FBLN2: variants seen among roughly 807,000 people sequenced by gnomAD.
FBLN2 encodes fibulin-2.
FBLN2 carries 81 observed loss-of-function variants against 123.7 expected under a neutral mutation model. The observed-to-expected ratio is 0.65, with a 90% CI of 0.55 to 0.79. The LOEUF is 0.79. FBLN2 is among the 30% of genes least tolerant of loss of function. FBLN2 has a pLI of 0.00. For missense variants in FBLN2, 1,603 were observed against 1,681.3 expected (o/e 0.95, Z 0.81); for synonymous variants, 699 against 701.4 (o/e 1.00, Z 0.05).
At chr3:13,560,806 GTC>G (rs1194925823) in intron 1 of FBLN2, among the ~76,000 whole-genome samples, 3 of 151,840 alleles carry the variant, frequency 2.0e-5, no homozygotes, top group Admixed American at 1.3e-4. Flanking sequence ...TCTTTAAAAA[GTC>G]TCTCTTTCTC....
chr3:13,628,193 G>A (rs892470499), intron 11 of FBLN2, among the ~76,000 whole-genome samples: 2 of 152,210 alleles, frequency 1.3e-5, no homozygotes, highest in Non-Finnish European at 2.9e-5. Context: ...GTGAAACCTT[G>A]GCTGAGTTAT....
chr3:13,573,412 CCCCTGAGTGA>C (rs1235600467), intron 2 of FBLN2, among the ~76,000 whole-genome samples: 2 of 152,066 alleles, frequency 1.3e-5, no homozygotes, highest in African/African-American at 2.4e-5. Flanking sequence ...GGAGTCAGAT[CCCCTGAGTGA>C]GGCTCACCAC....
intron 5 of FBLN2, among the ~76,000 whole-genome samples, chr3:13,615,741 A>G (rs1185075550): frequency 1.3e-5 from 2 of 152,206 alleles, no homozygotes; most frequent in African/African-American, 2.4e-5. Context: ...TGAGGCCCAG[A>G]GAAGGGCAGG....
At chr3:13,589,692 C>T (rs1015536248) in intron 2 of FBLN2, among the ~76,000 whole-genome samples, 1 of 152,198 alleles carries the variant, frequency 6.6e-6, no homozygotes, top group Non-Finnish European at 1.5e-5. Context: ...CATACCATGA[C>T]CCTATACTTC....
At chr3:13,613,317 G>C (rs1462335485) in intron 4 of FBLN2, among the ~76,000 whole-genome samples, 1 of 152,174 alleles carries the variant, frequency 6.6e-6, no homozygotes, top group Non-Finnish European at 1.5e-5. Flanking sequence ...AGTGAACACA[G>C]AAAAGATTGA....
At chr3:13,576,730 C>G (rs1574955133) in intron 2 of FBLN2, among the ~76,000 whole-genome samples, 1 of 151,890 alleles carries the variant, frequency 6.6e-6, no homozygotes, top group South Asian at 2.1e-4. Flanking sequence ...TCCCCCCCCC[C>G]CGGGTTCACT....
chr3:13,621,911 C>G lies in FBLN2; in HGVS notation c.2292C>G (p.Cys764Trp). 6.2e-7 allele frequency: 1 copy of G among 1,612,068 alleles called. No homozygotes were observed. The highest frequency in any genetic ancestry group is 8.5e-7 in the Non-Finnish European group (1 of 1,179,244). ...ATATCCTCAATGCGCACAGGAAGTG[C>G]GTGGGTAAGCCAGGGCCCCGCCTGC... ...DGYILNAHRKCVDINECVTDL... is the reference protein window; with the variant it reads ...DGYILNAHRKWVDINECVTDL... The change falls in exon 9 of 18, where the codon TGC becomes TGG. Residue 764 changes from cysteine to tryptophan, a missense_variant. Transcript: ENST00000404922.
intron 1 of FBLN2, among the ~76,000 whole-genome samples, chr3:13,560,432 C>T (rs986459050): frequency 1.3e-5 from 2 of 152,186 alleles, no homozygotes; most frequent in Non-Finnish European, 2.9e-5. Flanking sequence ...CTGTACTTCA[C>T]GTGTAGGGCT....
chr3:13,620,537 G>A (rs188664691), intron 8 of FBLN2, among the ~76,000 whole-genome samples: 34 of 152,290 alleles, frequency 2.2e-4, no homozygotes, highest in Non-Finnish European at 2.6e-4. Context: ...TCTTGTCTTT[G>A]TGGGGCCTCT....
intron 1 of FBLN2, among the ~76,000 whole-genome samples, chr3:13,565,817 C>T (rs904857194): frequency 5.3e-5 from 8 of 152,182 alleles, no homozygotes; most frequent in Admixed American, 2.0e-4. Context: ...ACAGACGTCT[C>T]TGAGTCGCAC....
At chr3:13,576,715 G>T (rs1253709466) in intron 2 of FBLN2, among the ~76,000 whole-genome samples, 1 of 134,050 alleles carries the variant, frequency 7.5e-6, no homozygotes, top group Non-Finnish European at 1.6e-5. Flanking sequence ...GGGTGGTCAG[G>T]GGGATCCCCC....
In FBLN2 at chr3:13,628,980, C is replaced by G. The variant is rs535304469; in HGVS notation, c.2645C>G (p.Thr882Arg). The stretch of plus-strand genomic sequence containing the variant: ...TGCATCAACACGGTGGGCTCCTACA[C>G]ATGCCAGAGGAACCCGCTGATCTGC... ...FSCINTVGSY[T>R]CQRNPLICAR... The change falls in exon 12 of 18, where the codon ACA becomes AGA. Residue 882 changes from threonine (T) to arginine (R), a missense_variant. Transcript: ENST00000404922. 1 of 1,613,618 alleles carries G rather than the reference C, an allele frequency of 6.2e-7. No individual in the cohort carries two copies. The highest frequency in any genetic ancestry group is 8.5e-7 in the Non-Finnish European group (1 of 1,179,770).
chr3:13,587,024 A>G (rs1704529023), intron 2 of FBLN2, among the ~76,000 whole-genome samples: 1 of 151,434 alleles, frequency 6.6e-6, no homozygotes, highest in Admixed American at 6.6e-5. Context: ...GCAGGGCTGT[A>G]ATCCTAGCTA....
At chr3:13,549,818 C>T (rs969409702) in intron 1 of FBLN2, among the ~76,000 whole-genome samples, 32 of 152,174 alleles carry the variant, frequency 2.1e-4, no homozygotes, top group African/African-American at 7.7e-4. Context: ...CCAGCTCCCC[C>T]AGGCCAGAAT....
chr3:13,618,319 G>A, intron 6 of FBLN2, 34 bp downstream of exon 6: 1 of 1,606,600 alleles, frequency 6.2e-7, no homozygotes, highest in Non-Finnish European at 8.5e-7. Flanking sequence ...AGGGGCTATG[G>A]GAAGGGCTGA....
intron 9 of FBLN2, among the ~76,000 whole-genome samples, chr3:13,625,292 G>T (rs1705998070): frequency 6.6e-6 from 1 of 152,108 alleles, no homozygotes; most frequent in Non-Finnish European, 1.5e-5. Context: ...GAGCCTCTGT[G>T]GCTCCCCACC....
At chr3:13,567,149 G>T (rs1703771803) in intron 1 of FBLN2, among the ~76,000 whole-genome samples, 1 of 152,094 alleles carries the variant, frequency 6.6e-6, no homozygotes, top group Non-Finnish European at 1.5e-5. Flanking sequence ...CACCCTGGGG[G>T]CTGTGCCGGT....
intron 1 of FBLN2, among the ~76,000 whole-genome samples, chr3:13,549,521 C>T (rs555106594): frequency 2.6e-5 from 4 of 151,946 alleles, no homozygotes; most frequent in South Asian, 2.1e-4. Flanking sequence ...CTGGGTTTCA[C>T]TTCTCCCCCC....
At chr3:13,559,585 C>T (rs1054749724) in intron 1 of FBLN2, among the ~76,000 whole-genome samples, 2 of 152,138 alleles carry the variant, frequency 1.3e-5, no homozygotes, top group Non-Finnish European at 2.9e-5. Flanking sequence ...CTGATTGGAG[C>T]TCCAGCAGGG....
Sources: allele counts gnomAD v4.1 joint callset (sites outside exome capture counted in the v4.1 genomes callset), GRCh38; gene constraint gnomAD v4.1.1; transcripts MANE v1.5; gene names NCBI Gene and HGNC (gene_info 2026-07-23, HGNC 2026-07-21).